The following GBA1 variants were observed in gnomAD, a reference collection of about 807,000 sequenced individuals.
The protein encoded by GBA1 is glucosylceramidase beta 1, also known as lysosomal acid glucosylceramidase.
chr1:155,237,394 G>A, the GBA1 span: 16 of 1,613,870 alleles, frequency 9.9e-6, no homozygotes, highest in East Asian at 2.2e-5. Flanking sequence ...ATGAGTAGGC[G>A]GACATTGTGG....
chr1:155,238,660 A>C, the GBA1 span: 6 of 1,613,760 alleles, frequency 3.7e-6, no homozygotes, highest in Non-Finnish European at 5.1e-6. Context: ...CCTACAGAAA[A>C]GGATGATCAA....
chr1:155,240,093 T>C, the GBA1 span: 1 of 1,608,070 alleles, frequency 6.2e-7, no homozygotes, highest in Non-Finnish European at 8.5e-7. Flanking sequence ...AGGGAGGGAG[T>C]ACAAGCAGAG....
At chr1:155,241,971 A>G in the GBA1 span, among the ~76,000 whole-genome samples, 1 of 152,208 alleles carries the variant, frequency 6.6e-6, no homozygotes, top group Non-Finnish European at 1.5e-5. Flanking sequence ...TGTTGTACAA[A>G]GCCATATCCT....
the GBA1 span, chr1:155,237,603 A>G: frequency 1.2e-6 from 2 of 1,612,708 alleles, 1 homozygote; most frequent in Admixed American, 3.3e-5. Flanking sequence ...GTCATGAATG[A>G]TCCGGCCAAG....
At chr1:155,242,619 A>AT in the GBA1 span, among the ~76,000 whole-genome samples, 51,464 of 142,076 alleles carry the variant, frequency 0.36, 10,237 homozygotes, top group East Asian at 0.7. Context: ...TCCTCCAGTA[A>AT]TTTTTTTTTT....
the GBA1 span, chr1:155,244,463 G>A: frequency 2.6e-5 from 4 of 152,136 alleles, no homozygotes; most frequent in Non-Finnish European, 5.9e-5. Context: ...ACGCAGGGAG[G>A]GGACAGCTAA....
At chr1:155,241,922 C>G in the GBA1 span, among the ~76,000 whole-genome samples, 1 of 152,150 alleles carries the variant, frequency 6.6e-6, no homozygotes, top group African/African-American at 2.4e-5. Flanking sequence ...TCCTTCCTCA[C>G]AAGACAGGGA....
chr1:155,236,052 A>C, the GBA1 span: 1 of 732,066 alleles, frequency 1.4e-6, no homozygotes. Context: ...GTGCCTCAGT[A>C]GTTGCAAAAG....
chr1:155,242,480 C>T, the GBA1 span, among the ~76,000 whole-genome samples: 8 of 151,686 alleles, frequency 5.3e-5, no homozygotes, highest in Non-Finnish European at 8.8e-5. Context: ...CCTTGGTATC[C>T]GAAAGTGCTG....
the GBA1 span, chr1:155,236,327 C>G: frequency 6.2e-7 from 1 of 1,614,232 alleles, no homozygotes; most frequent in South Asian, 1.1e-5. Flanking sequence ...GGAGCCCACA[C>G]AGGCCTCTGA....
the GBA1 span, among the ~76,000 whole-genome samples, chr1:155,243,824 G>C: frequency 6.6e-6 from 1 of 151,718 alleles, no homozygotes; most frequent in Non-Finnish European, 1.5e-5. Flanking sequence ...CCAGGCTGGA[G>C]TGCAGTGGCA....
At chr1:155,237,556 G>C in the GBA1 span, 2 of 1,613,856 alleles carry the variant, frequency 1.2e-6, no homozygotes, top group Non-Finnish European at 1.7e-6. Flanking sequence ...TGTAACTTGT[G>C]CTCAGCATAG....
chr1:155,241,255 C>T, the GBA1 span: 1 of 762,488 alleles, frequency 1.3e-6, no homozygotes. Flanking sequence ...ATTCCGGCTT[C>T]CCGATGTGGA....
the GBA1 span, chr1:155,240,709 G>A: frequency 2.5e-6 from 4 of 1,613,260 alleles, no homozygotes; most frequent in South Asian, 4.4e-5. Context: ...TCAAAGGCTT[G>A]GGACATTCCT....
the GBA1 span, among the ~76,000 whole-genome samples, chr1:155,243,166 G>C: frequency 1.3e-5 from 2 of 152,140 alleles, no homozygotes; most frequent in Non-Finnish European, 2.9e-5. Flanking sequence ...AAGTATCCTC[G>C]TAGATAGCCT....
chr1:155,239,487 C>T, the GBA1 span: 1 of 996,912 alleles, frequency 1.0e-6, no homozygotes, highest in East Asian at 2.6e-5. Context: ...GGGGAGATCA[C>T]ACCACTGCAC....
the GBA1 span, chr1:155,239,925 G>A: frequency 6.2e-7 from 1 of 1,614,140 alleles, no homozygotes; most frequent in Non-Finnish European, 8.5e-7. Flanking sequence ...CCCATACTCA[G>A]CTCCATCCGT....
the GBA1 span, chr1:155,235,495 C>A: frequency 3.0e-6 from 3 of 1,016,668 alleles, no homozygotes; most frequent in East Asian, 5.3e-5. Flanking sequence ...CAGCCTCAGG[C>A]ATTGGGGTTT....
At chr1:155,240,630 C>G in the GBA1 span, 9 of 1,613,098 alleles carry the variant, frequency 5.6e-6, no homozygotes, top group Non-Finnish European at 7.6e-6. Flanking sequence ...ACTCACTCAC[C>G]TGATGCCCAC....
Sources: allele counts gnomAD v4.1 joint callset (sites outside exome capture counted in the v4.1 genomes callset), GRCh38; gene constraint gnomAD v4.1.1; transcripts MANE v1.5; gene names NCBI Gene and HGNC (gene_info 2026-07-23, HGNC 2026-07-21).